The following SGCD variants were observed in gnomAD, a reference collection of about 807,000 sequenced individuals.
SGCD encodes the protein delta-sarcoglycan.
Under a neutral mutation model 36.6 loss-of-function variants are expected in SGCD, and 18 were observed. That is an observed-to-expected ratio of 0.49 (90% CI 0.34 to 0.73). The LOEUF (loss-of-function observed/expected upper bound fraction) is 0.73. Ranked by LOEUF, SGCD falls within the 30% of genes least tolerant of loss-of-function variation. SGCD has a pLI of 0.01. For missense variants in SGCD, 387 were observed against 346.7 expected, an observed-to-expected ratio of 1.12 and a Z score of -0.92; for synonymous variants, 133 against 130.6, an observed-to-expected ratio of 1.02 and a Z score of -0.12.
At chr5:155,738,090 C>T in the SGCD span, among the ~76,000 whole-genome samples, 1 of 152,140 alleles carries the variant, frequency 6.6e-6, no homozygotes, top group Admixed American at 6.5e-5. Context: ...CTTCCTCAAC[C>T]CAGAGGGCAT....
chr5:156,142,513 T>G (rs966220046), intron 3 of SGCD, among the ~76,000 whole-genome samples: 2 of 152,228 alleles, frequency 1.3e-5, no homozygotes, highest in African/African-American at 4.8e-5. Flanking sequence ...AGAGACTTAT[T>G]AAGTTCTTGT....
intron 7 of SGCD, among the ~76,000 whole-genome samples, chr5:156,700,958 A>AAAAG (rs1554130995): frequency 6.6e-6 from 1 of 150,912 alleles, no homozygotes; most frequent in African/African-American, 2.4e-5. Flanking sequence ...AAAAAAAAAA[A>AAAAG]AGAGAGAGAG....
At chr5:156,069,655 G>C (rs1760472649) in intron 1 of SGCD, among the ~76,000 whole-genome samples, 1 of 151,778 alleles carries the variant, frequency 6.6e-6, no homozygotes, top group African/African-American at 2.4e-5. Flanking sequence ...TTCCAGTACT[G>C]TGAAGAAAGT....
At chr5:156,204,248 C>T (rs1764216264) in intron 3 of SGCD, among the ~76,000 whole-genome samples, 1 of 151,920 alleles carries the variant, frequency 6.6e-6, no homozygotes, top group Non-Finnish European at 1.5e-5. Context: ...TATGGGGTGG[C>T]CAGCACAGAG....
chr5:156,622,505 T>C (rs887233058), intron 6 of SGCD, among the ~76,000 whole-genome samples: 8 of 149,048 alleles, frequency 5.4e-5, no homozygotes, highest in Non-Finnish European at 1.0e-4. Flanking sequence ...TCATATCTTT[T>C]CTTCACCCCT....
At chr5:156,079,236 G>GCCA (rs1248310372) in intron 1 of SGCD, among the ~76,000 whole-genome samples, 3 of 152,050 alleles carry the variant, frequency 2.0e-5, no homozygotes, top group Non-Finnish European at 4.4e-5. Flanking sequence ...ACAGCACTGA[G>GCCA]CCACGAGGGA....
chr5:156,036,829 A>C (rs1047591964), intron 1 of SGCD, among the ~76,000 whole-genome samples: 7 of 152,164 alleles, frequency 4.6e-5, no homozygotes, highest in African/African-American at 1.7e-4. Flanking sequence ...GCTTCACCCC[A>C]GAGCACATGT....
At chr5:155,760,036 G>T in the SGCD span, among the ~76,000 whole-genome samples, 6 of 140,400 alleles carry the variant, frequency 4.3e-5, no homozygotes, top group Non-Finnish European at 9.4e-5. Flanking sequence ...TAATAAATTT[G>T]AGATGTTTAT....
chr5:156,544,201 T>C (rs901867723), intron 4 of SGCD, among the ~76,000 whole-genome samples: 5 of 152,298 alleles, frequency 3.3e-5, no homozygotes. Flanking sequence ...ATTCTTCCTT[T>C]CCCTAGTTGG....
chr5:156,396,382 G>A (rs1375823268), intron 3 of SGCD, among the ~76,000 whole-genome samples: 2 of 152,154 alleles, frequency 1.3e-5, no homozygotes, highest in African/African-American at 4.8e-5. Context: ...AAAACTGCTG[G>A]GTTGCCTCTC....
chr5:155,753,375 GCT>G, the SGCD span, among the ~76,000 whole-genome samples: 1 of 151,492 alleles, frequency 6.6e-6, no homozygotes, highest in Non-Finnish European at 1.5e-5. Context: ...ATCTCAACTA[GCT>G]CTGTTTGTTT....
intron 1 of SGCD, among the ~76,000 whole-genome samples, chr5:155,907,736 T>G (rs918010489): frequency 3.3e-5 from 5 of 152,170 alleles, no homozygotes; most frequent in Admixed American, 2.0e-4. Flanking sequence ...TTCCTTGAAA[T>G]GGAGCCTACT....
chr5:156,588,771 G>A (rs1211069017), intron 4 of SGCD, among the ~76,000 whole-genome samples: 5 of 152,332 alleles, frequency 3.3e-5, no homozygotes, highest in African/African-American at 1.2e-4. Flanking sequence ...GGGTATGCCC[G>A]AGGGGCAGAT....
chr5:156,453,478 A>G (rs1165343479), intron 3 of SGCD, among the ~76,000 whole-genome samples: 1 of 152,202 alleles, frequency 6.6e-6, no homozygotes, highest in Non-Finnish European at 1.5e-5. Context: ...TGCATTCACA[A>G]TAGCCCCAAA....
At chr5:156,234,863 A>T (rs1765115647) in intron 3 of SGCD, among the ~76,000 whole-genome samples, 1 of 152,192 alleles carries the variant, frequency 6.6e-6, no homozygotes, top group South Asian at 2.1e-4. Context: ...GGAACTAGGT[A>T]GGGTTGTAAT....
chr5:156,102,092 C>G (rs1761534251), intron 1 of SGCD, among the ~76,000 whole-genome samples: 1 of 151,964 alleles, frequency 6.6e-6, no homozygotes, highest in South Asian at 2.1e-4. Flanking sequence ...TAGCCCTAGC[C>G]CATGTTTGAT....
At chr5:156,652,104 A>G (rs530345700) in intron 7 of SGCD, among the ~76,000 whole-genome samples, 2 of 152,156 alleles carry the variant, frequency 1.3e-5, no homozygotes, top group African/African-American at 4.8e-5. Context: ...TGATTTTTGT[A>G]CAATGATTTT....
chr5:156,403,508 C>T (rs1006882490), intron 3 of SGCD, among the ~76,000 whole-genome samples: 6 of 152,126 alleles, frequency 3.9e-5, no homozygotes, highest in African/African-American at 1.4e-4. Flanking sequence ...TAATGACTTC[C>T]CTTTGGAGCT....
At chr5:155,733,546 A>G in the SGCD span, among the ~76,000 whole-genome samples, 1 of 152,104 alleles carries the variant, frequency 6.6e-6, no homozygotes, top group Non-Finnish European at 1.5e-5. Context: ...TGATACATGT[A>G]TTTTAAATAA....
Sources: allele counts gnomAD v4.1 joint callset (sites outside exome capture counted in the v4.1 genomes callset), GRCh38; gene constraint gnomAD v4.1.1; transcripts MANE v1.5; gene names NCBI Gene and HGNC (gene_info 2026-07-23, HGNC 2026-07-21).